The following TRPC4 variants were observed in gnomAD, a reference collection of about 807,000 sequenced individuals.
TRPC4 encodes the protein short transient receptor potential channel 4.
TRPC4 carries 49 observed loss-of-function variants against 99.4 expected under a neutral mutation model. The observed-to-expected ratio is 0.49, with a 90% CI of 0.39 to 0.63. The LOEUF (loss-of-function observed/expected upper bound fraction) is 0.63. Ranked by LOEUF, TRPC4 falls within the 20% of genes least tolerant of loss-of-function variation. The probability of loss-of-function intolerance (pLI) is 0.00; values close to 1 mark genes in which losing one functional copy is unlikely to be tolerated. For synonymous variants in TRPC4, 454 were observed against 425.9 expected (o/e 1.07, Z -0.81); for missense variants, 898 against 1,152.9 (o/e 0.78, Z 3.20).
intron 2 of TRPC4, among the ~76,000 whole-genome samples, chr13:37,771,581 G>A (rs1374937508): frequency 6.6e-6 from 1 of 151,420 alleles, no homozygotes; most frequent in Non-Finnish European, 1.5e-5. Context: ...GTGTGTGTGT[G>A]TGTGTGTGAG....
intron 1 of TRPC4, among the ~76,000 whole-genome samples, chr13:37,799,567 A>G (rs1459209115): frequency 6.6e-6 from 1 of 152,190 alleles, no homozygotes; most frequent in African/African-American, 2.4e-5. Flanking sequence ...AAGGGATAAC[A>G]CTGACTATCT....
chr13:37,642,629 T>C lies in TRPC4; in HGVS notation c.2080-3330A>G, dbSNP rs199719194. On this transcript the variant is annotated intron_variant, in intron 8 of 10. Coordinates refer to ENST00000379705, the MANE Select transcript of TRPC4 (RefSeq NM_016179.4). Reference sequence around the variant, plus strand: ...CTGGTTGTCTACCTCAGATCTCAGTTTTTTCAGTGTAGGAACCTTGAGTTG... The same window carrying C: ...CTGGTTGTCTACCTCAGATCTCAGTCTTTTCAGTGTAGGAACCTTGAGTTG... Among the ~76,000 whole-genome samples, 4 of 152,108 alleles carry C rather than the reference T, an allele frequency of 2.6e-5. No individual in the cohort carries two copies. In the East Asian group the frequency reaches 7.7e-4, roughly 29 times the overall value.
intron 3 of TRPC4, among the ~76,000 whole-genome samples, chr13:37,730,278 C>T (rs1555263802): frequency 6.6e-6 from 1 of 151,448 alleles, no homozygotes; most frequent in Non-Finnish European, 1.5e-5. Flanking sequence ...TTATTACTTA[C>T]ATATATATAT....
At chr13:37,757,418 A>C (rs929827649) in intron 2 of TRPC4, among the ~76,000 whole-genome samples, 3 of 152,118 alleles carry the variant, frequency 2.0e-5, no homozygotes, top group Non-Finnish European at 4.4e-5. Context: ...GAAGCTCTTA[A>C]GTCTAAGTAA....
At chr13:37,641,676 GA>G (rs1409653505) in intron 8 of TRPC4, among the ~76,000 whole-genome samples, 1 of 151,934 alleles carries the variant, frequency 6.6e-6, no homozygotes, top group Non-Finnish European at 1.5e-5. Flanking sequence ...CTTTCTAGGA[GA>G]AAGTGTGGTG....
At chr13:37,786,968 G>A (rs535399139) in intron 1 of TRPC4, among the ~76,000 whole-genome samples, 2 of 152,028 alleles carry the variant, frequency 1.3e-5, no homozygotes, top group African/African-American at 4.8e-5. Flanking sequence ...GATCCAAAGA[G>A]AAATTAAAAT....
chr13:37,659,336 T>C (rs572140764), intron 6 of TRPC4, among the ~76,000 whole-genome samples: 1 of 152,292 alleles, frequency 6.6e-6, no homozygotes, highest in East Asian at 1.9e-4. Context: ...CTGTGATGCC[T>C]GCTTCCCTTC....
At chr13:37,723,414 T>A (rs1029224382) in intron 3 of TRPC4, among the ~76,000 whole-genome samples, 7 of 152,022 alleles carry the variant, frequency 4.6e-5, no homozygotes, top group Non-Finnish European at 1.0e-4. Context: ...ATGAAAAAAA[T>A]ATATATGTTA....
chr13:37,866,394 T>C (rs1326266478), intron 1 of TRPC4, among the ~76,000 whole-genome samples: 1 of 151,832 alleles, frequency 6.6e-6, no homozygotes, highest in East Asian at 1.9e-4. Flanking sequence ...TCTTTCTTAT[T>C]CTATTAAAAT....
intron 1 of TRPC4, among the ~76,000 whole-genome samples, chr13:37,827,603 C>T (rs1488443887): frequency 6.6e-6 from 1 of 152,110 alleles, no homozygotes. Context: ...GGGTCAGGGA[C>T]CCACTTGAGG....
At chr13:37,793,553 A>G (rs1957173469) in intron 1 of TRPC4, among the ~76,000 whole-genome samples, 1 of 152,068 alleles carries the variant, frequency 6.6e-6, no homozygotes, top group African/African-American at 2.4e-5. Flanking sequence ...TTAAGTAGAA[A>G]AGAAAAACCA....
chr13:37,773,656 A>G (rs533111535), intron 2 of TRPC4, among the ~76,000 whole-genome samples: 2 of 151,902 alleles, frequency 1.3e-5, no homozygotes, highest in Admixed American at 1.3e-4. Context: ...TAAAATGACA[A>G]TAATGAAAGA....
chr13:37,648,102 G>C (rs765485440), intron 8 of TRPC4, among the ~76,000 whole-genome samples: 1 of 151,844 alleles, frequency 6.6e-6, no homozygotes, highest in African/African-American at 2.4e-5. Context: ...GCCACCACGC[G>C]CAGCTAATTT....
intron 3 of TRPC4, among the ~76,000 whole-genome samples, chr13:37,744,317 T>C (rs1363839193): frequency 1.3e-5 from 2 of 152,324 alleles, no homozygotes; most frequent in Admixed American, 6.5e-5. Flanking sequence ...CTTTCATCAA[T>C]GTATCTTATC....
Position 37,692,250 on chromosome 13 carries a change from A to G in TRPC4, c.983T>C (p.Val328Ala). The G allele has an allele frequency of 6.2e-7, 1 of 1,614,174 alleles. No individual in the cohort carries two copies. The highest frequency in any genetic ancestry group is 1.1e-5 in the South Asian group (1 of 91,084). The change falls in exon 4 of 11, where the codon GTG becomes GCG. Residue 328 changes from valine to alanine, a missense_variant. Coordinates refer to ENST00000379705, the MANE Select transcript of TRPC4 (RefSeq NM_016179.4). ...TATTATGAAACATGTCACCATCTTC[A>G]CTGCCCAGTGTCTTCTCCTCCAGCC... Reference protein sequence around the residue: ...FPGWRRRHWAVKMVTCFIIGL... With the variant: ...FPGWRRRHWAAKMVTCFIIGL...
intron 6 of TRPC4, 71 bp from the exon 7 acceptor site, chr13:37,655,354 G>A (rs1952192134): frequency 2.8e-6 from 2 of 725,340 alleles, no homozygotes; most frequent in Non-Finnish European, 1.9e-6. Context: ...AAACAATAAA[G>A]CTTGGCATGA....
intron 1 of TRPC4, among the ~76,000 whole-genome samples, chr13:37,837,445 A>G (rs902043928): frequency 2.0e-5 from 3 of 152,206 alleles, no homozygotes; most frequent in African/African-American, 7.2e-5. Context: ...ATGGGAACCC[A>G]CCTCTTACCT....
At chr13:37,728,987 A>C (rs976731771) in intron 3 of TRPC4, among the ~76,000 whole-genome samples, 1 of 152,118 alleles carries the variant, frequency 6.6e-6, no homozygotes, top group African/African-American at 2.4e-5. Flanking sequence ...ATAAATAAGA[A>C]TGAAGTTGGA....
chr13:37,750,798 A>G (rs1593656587), intron 2 of TRPC4, among the ~76,000 whole-genome samples: 1 of 151,726 alleles, frequency 6.6e-6, no homozygotes, highest in African/African-American at 2.4e-5. Context: ...TCCCTCCCCT[A>G]GCCCCCAACC....
Sources: allele counts gnomAD v4.1 joint callset (sites outside exome capture counted in the v4.1 genomes callset), GRCh38; gene constraint gnomAD v4.1.1; transcripts MANE v1.5; gene names NCBI Gene and HGNC (gene_info 2026-07-23, HGNC 2026-07-21).